The following RBM28 variants were observed in gnomAD, a reference collection of about 807,000 sequenced individuals.
The protein encoded by RBM28 is RNA-binding protein 28.
Under a neutral mutation model 98.3 loss-of-function variants are expected in RBM28, and 78 were observed. That is an observed-to-expected ratio of 0.79 (90% confidence interval 0.66 to 0.96). The LOEUF is 0.96. Among genes scored for constraint, RBM28 ranks in the 40% least tolerant of loss-of-function variants. The pLI is 0.00. For missense variants in RBM28, 838 were observed against 913.0 expected, an observed-to-expected ratio of 0.92 and a Z score of 1.06; for synonymous variants, 306 against 330.9, an observed-to-expected ratio of 0.92 and a Z score of 0.82.
chr7:128,321,414 A>G lies in RBM28; in HGVS notation c.1415T>C (p.Leu472Pro), dbSNP rs747305358. 4 of 1,614,066 alleles carry G rather than the reference A, an allele frequency of 2.5e-6. No homozygotes were observed. Among genetic ancestry groups the G allele is most frequent in the Admixed American group, 1.7e-5 (1 of 60,006 alleles). Residue 472 changes from leucine (L) to proline (P), a missense_variant, in exon 14 of 19, where the codon CTG becomes CCG. Physicochemically the swap from Leu to Pro is moderately conservative, Grantham distance 98. Transcript: ENST00000223073. ...DMAKRERFEL[L>P]KHQKLKDQNI... The stretch of plus-strand genomic sequence containing the variant: ...CTGGTCCTTGAGTTTCTGATGCTTC[A>G]GCAGCTCAAACTGAAAGAACAACCA...
intron 18 of RBM28, among the ~76,000 whole-genome samples, chr7:128,311,358 G>GACAC (rs1795980639): frequency 6.6e-6 from 1 of 152,178 alleles, no homozygotes; most frequent in African/African-American, 2.4e-5. Flanking sequence ...CAGATTTCTT[G>GACAC]AGTAGGATGG....
chr7:128,320,831 T>C (rs1796215135), intron 14 of RBM28, among the ~76,000 whole-genome samples: 1 of 152,170 alleles, frequency 6.6e-6, no homozygotes, highest in Non-Finnish European at 1.5e-5. Context: ...ACCAAGAAAC[T>C]GCTAAACTCA....
rs1795927885 is a variant in RBM28 at position 128,309,200 on chromosome 7, T to C, written c.*1597A>G. 6.6e-6 allele frequency: 1 copy of C among 152,236 alleles called. No individual in the cohort carries two copies. The highest frequency in any genetic ancestry group is 6.5e-5 in the Admixed American group (1 of 15,278). 9.4% of individuals were successfully genotyped at this position (152,236 alleles called of 1,614,324 possible). A position where few individuals can be genotyped will look rare whatever the true frequency, so the allele number is the denominator to read the frequency against. ...ACGTGCCTGGGTCAGTACTAGGTGC[T>C]GTGTCTACAGGAGTGAACAAGAGGG... On this transcript the variant is annotated 3_prime_UTR_variant, in exon 19 of 19. Coordinates refer to ENST00000223073, the MANE Select transcript of RBM28 (RefSeq NM_018077.3).
chr7:128,327,615 C>T (rs1796382668), intron 10 of RBM28, among the ~76,000 whole-genome samples: 1 of 152,084 alleles, frequency 6.6e-6, no homozygotes, highest in African/African-American at 2.4e-5. Flanking sequence ...ACTCTTCTGC[C>T]TCAGCCTCCC....
chr7:128,308,531 A>G lies in RBM28; in HGVS notation c.*2266T>C, dbSNP rs1252599857. The stretch of plus-strand genomic sequence containing the variant: ...CATGTTGCCAGGCTACCGTAAGAAC[A>G]TTTGACAGCCCAAGTCATGTCTCGA... On this transcript the variant is annotated 3_prime_UTR_variant, in exon 19 of 19. Transcript: ENST00000223073. 1.3e-5 allele frequency: 2 copies of G among 152,264 alleles called. No homozygotes were observed. The highest frequency in any genetic ancestry group is 1.5e-5 in the Non-Finnish European group (1 of 68,088). 9.4% of individuals were successfully genotyped at this position (152,264 alleles called of 1,614,324 possible).
chr7:128,342,031 C>T (rs567785859), intron 1 of RBM28, among the ~76,000 whole-genome samples: 79 of 152,232 alleles, frequency 5.2e-4, no homozygotes, highest in African/African-American at 1.9e-3. Flanking sequence ...TGGTGAAGCA[C>T]GTCTGTAGTC....
Position 128,310,199 on chromosome 7 carries a change from CA to C in RBM28, c.*597del. ...TGGAAATCCCCTCATCTGACAAACACATAAGTGCTGCTCTCTGTCAGGCCCC... is the reference window on the plus strand; with the variant it reads ...TGGAAATCCCCTCATCTGACAAACACTAAGTGCTGCTCTCTGTCAGGCCCC... On this transcript the variant is annotated 3_prime_UTR_variant, in exon 19 of 19. Coordinates refer to ENST00000223073, the MANE Select transcript of RBM28 (RefSeq NM_018077.3). 1 of 159,834 alleles carries C rather than the reference CA, an allele frequency of 6.3e-6. No individual in the cohort carries two copies. The allele number at this position is 159,834 out of a possible 1,614,324, so 9.9% of individuals were successfully genotyped here. A position where few individuals can be genotyped will look rare whatever the true frequency, so the allele number is the denominator to read the frequency against.
intron 14 of RBM28, among the ~76,000 whole-genome samples, chr7:128,319,737 TGACA>T (rs1402530204): frequency 6.6e-6 from 1 of 152,178 alleles, no homozygotes; most frequent in Non-Finnish European, 1.5e-5. Context: ...GAGAAGTGAC[TGACA>T]GACAGTTTGA....
In RBM28 at chr7:128,301,182, T is replaced by C. The variant is rs1795777388; in HGVS notation, c.*9615A>G. ...TTTCCTGTGAATTCACTCAGGACACTGGGGACAAAAGACATCACAGACCCT... is the reference window on the plus strand; with the variant it reads ...TTTCCTGTGAATTCACTCAGGACACCGGGGACAAAAGACATCACAGACCCT... On this transcript the variant is annotated 3_prime_UTR_variant, in exon 19 of 19. Transcript: ENST00000223073. 1 of 152,240 alleles carries C rather than the reference T, an allele frequency of 6.6e-6. No individual in the cohort carries two copies. The highest frequency in any genetic ancestry group is 2.4e-5 in the African/African-American group (1 of 41,470). 9.4% of individuals were successfully genotyped at this position (152,240 alleles called of 1,614,324 possible). A position where few individuals can be genotyped will look rare whatever the true frequency, so the allele number is the denominator to read the frequency against.
chr7:128,339,562 T>C, intron 2 of RBM28, 71 bp downstream of exon 2: 1 of 1,537,028 alleles, frequency 6.5e-7, no homozygotes. Flanking sequence ...CCTCCATGCC[T>C]CCCTCTTTCA....
intron 17 of RBM28, among the ~76,000 whole-genome samples, chr7:128,314,253 C>T (rs1796056999): frequency 6.6e-6 from 1 of 152,164 alleles, no homozygotes; most frequent in Non-Finnish European, 1.5e-5. Context: ...TGAGCCACCG[C>T]GCCCAGCCAA....
chr7:128,340,161 G>C (rs1156485840), intron 1 of RBM28, among the ~76,000 whole-genome samples: 1 of 152,172 alleles, frequency 6.6e-6, no homozygotes, highest in Non-Finnish European at 1.5e-5. Flanking sequence ...GGAAAGGTAA[G>C]TATATGCTAT....
At chr7:128,323,404 G>C (rs779906874) in intron 13 of RBM28, 123 bp downstream of exon 13, 33 of 1,117,010 alleles carry the variant, frequency 3.0e-5, no homozygotes, top group Non-Finnish European at 4.4e-5. Flanking sequence ...CTCCCTAACA[G>C]GGCAATAAGT....
rs1795755509 is a variant in RBM28 at position 128,299,669 on chromosome 7, G to A, written c.*11128C>T. The A allele has an allele frequency of 6.6e-6, 1 of 152,146 alleles. No homozygotes were observed. 9.4% of individuals were successfully genotyped at this position (152,146 alleles called of 1,614,324 possible). ...TTATGTTACACTGATACAATCCAAT[G>A]AGCCTCCCTTCAGAGAGAGGCACCC... is the stretch of plus-strand genomic sequence containing the variant. On this transcript the variant is annotated 3_prime_UTR_variant, in exon 19 of 19. Transcript: ENST00000223073.
chr7:128,321,392 G>T lies in RBM28; in HGVS notation c.1437C>A (p.Asp479Glu). The T allele has an allele frequency of 6.2e-7, 1 of 1,614,146 alleles. No homozygotes were observed. The highest frequency in any genetic ancestry group is 8.5e-7 in the Non-Finnish European group (1 of 1,180,016). The change falls in exon 14 of 19, where the codon GAC becomes GAA. Residue 479 changes from aspartate (D) to glutamate (E), a missense_variant. Physicochemically the swap from Asp to Glu is conservative, Grantham distance 45 (BLOSUM62 2). Transcript: ENST00000223073. ...TGGTTCGGGAGACAAAGATATTCTG[G>T]TCCTTGAGTTTCTGATGCTTCAGCA... ...FELLKHQKLK[D>E]QNIFVSRTRL... is the part of the protein sequence containing the mutation.
intron 14 of RBM28, among the ~76,000 whole-genome samples, chr7:128,320,228 A>G: frequency 8.6e-6 from 1 of 116,170 alleles, no homozygotes; most frequent in East Asian, 2.4e-4. Context: ...AAAAAAAAAA[A>G]AAAAAAAGAA....
Position 128,310,227 on chromosome 7 carries a change from C to G in RBM28, c.*570G>C, listed in dbSNP as rs1795951159. On this transcript the variant is annotated 3_prime_UTR_variant, in exon 19 of 19. Coordinates refer to ENST00000223073, the MANE Select transcript of RBM28 (RefSeq NM_018077.3). ...AAGTGCTGCTCTCTGTCAGGCCCCA[C>G]CTCCCCCCATTCTTTTCCAAGTGTC... 6.1e-6 allele frequency: 1 copy of G among 164,028 alleles called. No individual in the cohort carries two copies. Among genetic ancestry groups the G allele is most frequent in the African/African-American group, 2.4e-5 (1 of 41,528 alleles). 10.2% of individuals were successfully genotyped at this position (164,028 alleles called of 1,614,324 possible). A position where few individuals can be genotyped will look rare whatever the true frequency, so the allele number is the denominator to read the frequency against.
At chr7:128,337,505 A>G (rs1487180038) in intron 5 of RBM28, among the ~76,000 whole-genome samples, 1 of 151,922 alleles carries the variant, frequency 6.6e-6, no homozygotes, top group Non-Finnish European at 1.5e-5. Flanking sequence ...CAAAACAGGC[A>G]TTCTGGAATC....
chr7:128,305,796 C>T lies in RBM28; in HGVS notation c.*5001G>A, dbSNP rs1795855500. On this transcript the variant is annotated 3_prime_UTR_variant, in exon 19 of 19. Transcript: ENST00000223073. Reference sequence around the variant, plus strand: ...AGTTGCTAGTGGACCAAGGCCCAGACCACAATGCAGGGGAGAGGGAGAAAA... The same window carrying T: ...AGTTGCTAGTGGACCAAGGCCCAGATCACAATGCAGGGGAGAGGGAGAAAA... 6.6e-6 allele frequency: 1 copy of T among 152,038 alleles called. No individual in the cohort carries two copies. The highest frequency in any genetic ancestry group is 2.1e-4 in the South Asian group (1 of 4,818). 9.4% of individuals were successfully genotyped at this position (152,038 alleles called of 1,614,324 possible).
Sources: gnomAD v4.1 joint callset for allele counts (sites outside exome capture counted in the v4.1 genomes callset) on GRCh38, gnomAD v4.1.1 for gene constraint, MANE v1.5 for transcripts, NCBI Gene and HGNC (gene_info 2026-07-23, HGNC 2026-07-21) for gene names.